Variants in ITGB2 observed in about 807,000 individuals in gnomAD.
ITGB2 encodes integrin beta-2.
Under a neutral mutation model 86.8 loss-of-function variants are expected in ITGB2, and 56 were observed. That is an observed-to-expected ratio of 0.65 (90% confidence interval 0.52 to 0.81). The LOEUF (loss-of-function observed/expected upper bound fraction) is 0.81. ITGB2 is among the 30% of genes least tolerant of loss of function. The pLI is 0.00. For synonymous variants in ITGB2, 457 were observed against 450.4 expected (o/e 1.01, Z -0.19); for missense variants, 948 against 1,061.2 (o/e 0.89, Z 1.48).
intron 3 of ITGB2, among the ~76,000 whole-genome samples, chr21:44,908,763 C>G (rs897367931): frequency 6.6e-6 from 1 of 152,202 alleles, no homozygotes; most frequent in Non-Finnish European, 1.5e-5. Context: ...GGGAAAGGAA[C>G]CCGAGCCGTC....
intron 3 of ITGB2, among the ~76,000 whole-genome samples, chr21:44,909,855 T>C (rs1346642942): frequency 6.6e-6 from 1 of 152,242 alleles, no homozygotes; most frequent in Non-Finnish European, 1.5e-5. Context: ...AGCCCCTGGA[T>C]TCTGATAAGG....
At chr21:44,889,850 A>T in intron 12 of ITGB2, 128 bp downstream of exon 12, 1 of 1,380,854 alleles carries the variant, frequency 7.2e-7, no homozygotes, top group Non-Finnish European at 1.0e-6. Flanking sequence ...TGGCTGGGCG[A>T]GACTTGCACT....
chr21:44,897,543 G>C (rs2083887756), intron 8 of ITGB2, among the ~76,000 whole-genome samples: 1 of 152,186 alleles, frequency 6.6e-6, no homozygotes, highest in African/African-American at 2.4e-5. Flanking sequence ...GAGTGGGTGA[G>C]CTCAGTACCC....
chr21:44,913,467 C>T (rs1472256483), intron 1 of ITGB2, among the ~76,000 whole-genome samples: 4 of 152,196 alleles, frequency 2.6e-5, no homozygotes, highest in Non-Finnish European at 4.4e-5. Context: ...TCAGAGACCA[C>T]GGCACCCCAA....
chr21:44,922,369 G>A (rs951490120), upstream of ITGB2, among the ~76,000 whole-genome samples: 1 of 152,004 alleles, frequency 6.6e-6, no homozygotes, highest in African/African-American at 2.4e-5. Flanking sequence ...AAAAAAATAT[G>A]ACAAATCTTT....
chr21:44,915,818 G>A (rs116464929), intron 1 of ITGB2, among the ~76,000 whole-genome samples: 2,223 of 152,274 alleles, frequency 0.015, 62 homozygotes, highest in African/African-American at 0.05. Context: ...AGCCCATGTC[G>A]CCTCTGAACC....
rs2084406492 is a variant in ITGB2, at chr21:44,928,628, G to C, written c.-4+26C>G. ...CCGAGGGTCGGGTCGGGTCGGGTCG[G>C]GTTGGGTCGGGTGGGTGCCTCTTAC... is the stretch of plus-strand genomic sequence containing the variant. On this transcript the variant is annotated intron_variant, in intron 1 of 15. Coordinates refer to the ITGB2 transcript ENST00000355153. 2.0e-5 allele frequency: 3 copies of C among 150,548 alleles called. No homozygotes were observed. In the South Asian group the frequency reaches 5.5e-4, roughly 28 times the overall value. The allele number at this position is 150,548 out of a possible 1,614,324, so 9.3% of individuals were successfully genotyped here. A position where few individuals can be genotyped will look rare whatever the true frequency, so the allele number is the denominator to read the frequency against.
intron 7 of ITGB2, 114 bp downstream of exon 7, chr21:44,900,206 G>A: frequency 7.1e-7 from 1 of 1,405,244 alleles, no homozygotes; most frequent in South Asian, 1.2e-5. Context: ...AGTTTCCTCA[G>A]GAATCTGCTC....
At chr21:44,909,916 G>A (rs551192664) in intron 3 of ITGB2, among the ~76,000 whole-genome samples, 3 of 152,356 alleles carry the variant, frequency 2.0e-5, no homozygotes, top group South Asian at 2.1e-4. Context: ...GACTCTGCAG[G>A]AAAGCGTGCT....
rs972018392 is a variant in ITGB2, at chr21:44,893,506, G to A, written c.1122C>T (p.Leu374=). The A allele has an allele frequency of 6.2e-7, 1 of 1,614,010 alleles. No individual in the cohort carries two copies. The highest frequency in any genetic ancestry group is 8.5e-7 in the Non-Finnish European group (1 of 1,179,994). Residue 374 remains leucine (L), a synonymous_variant, in exon 10 of 16, where the codon CTC becomes CTT. Transcript: ENST00000652462. The part of the protein sequence containing the change: ...SSRVFLDHNA[L]PDTLKVTYDS... The stretch of plus-strand genomic sequence containing the variant: ...CGTAGGTGACTTTCAGGGTGTCGGG[G>A]AGGGCGTTGTGATCCAGGAAGACCC...
chr21:44,905,000 G>T (rs1411722714), intron 4 of ITGB2, among the ~76,000 whole-genome samples: 1 of 152,262 alleles, frequency 6.6e-6, no homozygotes, highest in East Asian at 1.9e-4. Flanking sequence ...GGGCCAGACA[G>T]TAAATGTGTT....
intron 8 of ITGB2, among the ~76,000 whole-genome samples, chr21:44,897,235 A>G (rs565305708): frequency 5.9e-5 from 9 of 152,336 alleles, no homozygotes; most frequent in Non-Finnish European, 1.2e-4. Context: ...TAGCTGGGAT[A>G]CGGGCCTGAC....
upstream of ITGB2, among the ~76,000 whole-genome samples, chr21:44,921,877 C>A (rs1240503345): frequency 1.3e-5 from 2 of 152,128 alleles, no homozygotes; most frequent in Non-Finnish European, 2.9e-5. Flanking sequence ...ACATGTACCA[C>A]CACGCCTGGG....
At position 44,918,068 on chromosome 21, in the gene ITGB2, C is replaced by T. The variant is rs191564817; in HGVS notation, c.-4+2753G>A. Among the ~76,000 whole-genome samples, 25 of 152,340 alleles carry T rather than the reference C, an allele frequency of 1.6e-4. No individual in the cohort carries two copies. In the East Asian group the frequency reaches 4.8e-3, roughly 29 times the overall value. ...GGAGGGATAATTGCTGGCACCAGGT[C>T]CGGCTTGGGGTGGGTATCACCCACA... On this transcript the variant is annotated intron_variant, in intron 1 of 15. Coordinates refer to ENST00000652462, the MANE Select transcript of ITGB2 (RefSeq NM_000211.5).
intron 11 of ITGB2, among the ~76,000 whole-genome samples, chr21:44,890,427 G>A (rs143076991): frequency 2.2e-4 from 33 of 152,360 alleles, no homozygotes; most frequent in African/African-American, 7.5e-4. Context: ...AGGATGTCCC[G>A]AGGGGAAAGC....
chr21:44,907,029 C>T lies in ITGB2; in HGVS notation c.214G>A (p.Gly72Ser). The change falls in exon 4 of 16, where the codon GGC becomes AGC. Residue 72 changes from glycine to serine, a missense_variant. Transcript: ENST00000652462. The stretch of plus-strand genomic sequence containing the variant: ...TCCATGATGTCGTCAGCCGCACAGC[C>T]CCTCATGAGCAGCTGTGGCCGGGTG... ...CDTRPQLLMR[G>S]CAADDIMDPT... The T allele has an allele frequency of 6.2e-7, 1 of 1,613,714 alleles. No individual in the cohort carries two copies. Among genetic ancestry groups the T allele is most frequent in the Non-Finnish European group, 8.5e-7 (1 of 1,179,660 alleles).
At chr21:44,902,603 G>A (rs1054400191) in intron 5 of ITGB2, among the ~76,000 whole-genome samples, 5 of 151,938 alleles carry the variant, frequency 3.3e-5, no homozygotes, top group African/African-American at 9.7e-5. Context: ...ATGCATTCGC[G>A]TGTGTGAGCA....
At chr21:44,916,048 G>C (rs1051412630) in intron 1 of ITGB2, among the ~76,000 whole-genome samples, 2 of 152,142 alleles carry the variant, frequency 1.3e-5, no homozygotes, top group African/African-American at 4.8e-5. Context: ...TCAGCCTCCT[G>C]AGTAGCTGGG....
rs200003289 is a variant in ITGB2 at position 44,904,513 on chromosome 21, AC to A, written c.329-979del. Among the ~76,000 whole-genome samples, 593 of 151,714 alleles carry A rather than the reference AC, an allele frequency of 3.9e-3. 4 individuals carry two copies. The highest frequency in any genetic ancestry group is 0.014 in the African/African-American group (562 of 41,326). ...ACAAATATGCACACACACCACAAACACCAACCACCACACATGCACGCATACA... is the reference window on the plus strand; with the variant it reads ...ACAAATATGCACACACACCACAAACACAACCACCACACATGCACGCATACA... On this transcript the variant is annotated intron_variant, in intron 4 of 15. Transcript: ENST00000652462.
Sources: allele counts gnomAD v4.1 joint callset (sites outside exome capture counted in the v4.1 genomes callset), GRCh38; gene constraint gnomAD v4.1.1; transcripts MANE v1.5; gene names NCBI Gene and HGNC (gene_info 2026-07-23, HGNC 2026-07-21).